The following PTPN12 variants were observed in gnomAD, a reference collection of about 807,000 sequenced individuals.
PTPN12 encodes the protein protein tyrosine phosphatase non-receptor type 12, also known as tyrosine-protein phosphatase non-receptor type 12.
A neutral mutation model predicts 97.6 loss-of-function variants in PTPN12; 29 were observed. The observed-to-expected ratio is 0.30, with a 90% CI of 0.22 to 0.41. The LOEUF is 0.41. Ranked by LOEUF, PTPN12 falls within the 10% of genes least tolerant of loss-of-function variation. PTPN12 has a pLI of 1.00. For synonymous variants in PTPN12, 327 were observed against 300.4 expected (o/e 1.09, Z -0.91); for missense variants, 819 against 926.0 (o/e 0.88, Z 1.50).
intron 1 of PTPN12, among the ~76,000 whole-genome samples, chr7:77,560,111 T>G (rs935675409): frequency 6.6e-6 from 1 of 152,202 alleles, no homozygotes; most frequent in Non-Finnish European, 1.5e-5. Context: ...AAAGTGATAA[T>G]TGAGTTTGAA....
chr7:77,582,041 A>G (rs1411079591), intron 3 of PTPN12, among the ~76,000 whole-genome samples: 5 of 136,466 alleles, frequency 3.7e-5, no homozygotes, highest in African/African-American at 1.1e-4. Flanking sequence ...AGTCTCTTTT[A>G]TAACCTTTGT....
At chr7:77,618,919 G>A (rs1788842918) in intron 12 of PTPN12, among the ~76,000 whole-genome samples, 1 of 152,026 alleles carries the variant, frequency 6.6e-6, no homozygotes, top group Non-Finnish European at 1.5e-5. Context: ...TGAAGTGTGA[G>A]GATATTTAAT....
rs374113909 is a variant in PTPN12 at position 77,637,061 on chromosome 7, A to AT, written c.2173+23dup. The stretch of plus-strand genomic sequence containing the variant: ...AATGAGAAATGTGGTAAGTTGTTAG[A>AT]TTTTTTTTTTCCTTTTTACTGTAGA... On this transcript the variant is annotated intron_variant, in intron 16 of 17. Transcript: ENST00000248594. 2,964 of 1,521,248 alleles carry AT rather than the reference A, an allele frequency of 1.9e-3. 1 individual carries two copies. The highest frequency in any genetic ancestry group is 2.9e-3 in the Middle Eastern group (17 of 5,780). The allele number at this position is 1,521,248 out of a possible 1,614,324, so 94.2% of individuals were successfully genotyped here.
chr7:77,634,683 C>T (rs1789525704), intron 14 of PTPN12, among the ~76,000 whole-genome samples: 1 of 151,402 alleles, frequency 6.6e-6, no homozygotes, highest in Non-Finnish European at 1.5e-5. Context: ...CCTCATGATC[C>T]GCCCACCTCA....
intron 14 of PTPN12, 61 bp downstream of exon 14, chr7:77,632,486 T>TA (rs1461088185): frequency 5.5e-6 from 7 of 1,266,628 alleles, no homozygotes; most frequent in Admixed American, 1.7e-5. Flanking sequence ...CCGAAAAACA[T>TA]ACCTGATTTT....
chr7:77,611,097 A>G, intron 11 of PTPN12, 51 bp downstream of exon 11: 1 of 1,405,218 alleles, frequency 7.1e-7, no homozygotes, highest in Non-Finnish European at 1.0e-6. Context: ...CTTTGTTAAG[A>G]TGTAATATTT....
intron 8 of PTPN12, 92 bp downstream of exon 8, chr7:77,600,898 A>T (rs1282954913): frequency 8.9e-7 from 1 of 1,120,822 alleles, no homozygotes; most frequent in Non-Finnish European, 1.3e-6. Flanking sequence ...AGTAATCTTG[A>T]ATTTCTCCTA....
chr7:77,624,898 G>A (rs1357729417), intron 12 of PTPN12, among the ~76,000 whole-genome samples: 2 of 151,898 alleles, frequency 1.3e-5, no homozygotes, highest in African/African-American at 4.8e-5. Flanking sequence ...CTTTGCGGGG[G>A]CCGAGGCAGG....
chr7:77,546,399 CA>C (rs1807221701), intron 1 of PTPN12, among the ~76,000 whole-genome samples: 1 of 152,154 alleles, frequency 6.6e-6, no homozygotes, highest in South Asian at 2.1e-4. Context: ...AGGTGATATG[CA>C]ATTTCTAAAC....
intron 2 of PTPN12, among the ~76,000 whole-genome samples, chr7:77,573,629 G>C (rs932036325): frequency 1.3e-4 from 20 of 152,150 alleles, no homozygotes; most frequent in African/African-American, 4.8e-4. Context: ...TGGATACTTC[G>C]TATTAAGCAA....
At chr7:77,638,875 A>ATACT in intron 17 of PTPN12, 144 bp downstream of exon 17, 1 of 1,284,708 alleles carries the variant, frequency 7.8e-7, no homozygotes, top group Non-Finnish European at 1.0e-6. Flanking sequence ...AATAAATGAA[A>ATACT]TACTTAATTC....
intron 9 of PTPN12, among the ~76,000 whole-genome samples, chr7:77,609,839 C>T (rs1788506122): frequency 6.6e-6 from 1 of 151,490 alleles, no homozygotes; most frequent in African/African-American, 2.4e-5. Flanking sequence ...GGATATCACG[C>T]CACCGTACTC....
At chr7:77,608,140 C>A (rs907893993) in intron 9 of PTPN12, among the ~76,000 whole-genome samples, 3 of 152,132 alleles carry the variant, frequency 2.0e-5, no homozygotes, top group Admixed American at 6.6e-5. Context: ...GTATTGTAGT[C>A]TATGAATGCT....
intron 2 of PTPN12, among the ~76,000 whole-genome samples, chr7:77,572,168 C>G (rs905239129): frequency 6.6e-6 from 1 of 150,870 alleles, no homozygotes; most frequent in Non-Finnish European, 1.5e-5. Context: ...GATCTTGGCT[C>G]ACTGCAACCT....
At position 77,627,562 on chromosome 7, in the gene PTPN12, G is replaced by C. The variant is rs779668949; in HGVS notation, c.1883G>C (p.Ser628Thr). 1 of 1,614,072 alleles carries C rather than the reference G, an allele frequency of 6.2e-7. No homozygotes were observed. Among genetic ancestry groups the C allele is most frequent in the South Asian group, 1.1e-5 (1 of 91,082 alleles). Reference sequence around the variant, plus strand: ...AATAAAACTAATATTTCAACAGCAAGTGCCACAGTTTCTGCTGCCACTAGT... The same window carrying C: ...AATAAAACTAATATTTCAACAGCAACTGCCACAGTTTCTGCTGCCACTAGT... ...TQNKTNISTA[S>T]ATVSAATSTE... Residue 628 changes from serine (S) to threonine (T), a missense_variant, in exon 13 of 18, where the codon AGT (serine) becomes ACT (threonine). By Grantham distance (58) the Ser-to-Thr change is moderately conservative (BLOSUM62 1). Around this residue, in one of 5 missense-constraint regions of PTPN12, gnomAD observed 607 missense variants for 577.3 expected, o/e 1.05. Transcript: ENST00000248594.
At chr7:77,591,666 C>G (rs981782778) in intron 5 of PTPN12, among the ~76,000 whole-genome samples, 1 of 152,032 alleles carries the variant, frequency 6.6e-6, no homozygotes, top group African/African-American at 2.4e-5. Context: ...ATTATTATTC[C>G]TATTTTTACA....
At chr7:77,606,361 C>T (rs991746641) in intron 8 of PTPN12, among the ~76,000 whole-genome samples, 1 of 152,120 alleles carries the variant, frequency 6.6e-6, no homozygotes, top group Non-Finnish European at 1.5e-5. Context: ...AGTAGCTATT[C>T]TCTGTGTCAC....
chr7:77,573,819 G>A (rs1420284221), intron 2 of PTPN12, among the ~76,000 whole-genome samples: 1 of 152,136 alleles, frequency 6.6e-6, no homozygotes, highest in Non-Finnish European at 1.5e-5. Context: ...GGAGTGCAGT[G>A]GTGCGATCTC....
intron 11 of PTPN12, among the ~76,000 whole-genome samples, chr7:77,617,005 A>T (rs920413634): frequency 3.9e-5 from 6 of 152,032 alleles, no homozygotes. Context: ...CTGGTCTCGA[A>T]CTCTAGACCT....
Sources: allele counts gnomAD v4.1 joint callset (sites outside exome capture counted in the v4.1 genomes callset), GRCh38; gene constraint gnomAD v4.1.1; regional missense constraint gnomAD v4.1.1; transcripts MANE v1.5; gene names NCBI Gene and HGNC (gene_info 2026-07-23, HGNC 2026-07-21).